Variants in DPH6 observed in about 807,000 individuals in gnomAD.
DPH6 encodes the protein diphthamine biosynthesis 6.
Under a neutral mutation model 38.2 loss-of-function variants are expected in DPH6, and 33 were observed. That is an observed-to-expected ratio of 0.86 (90% confidence interval 0.65 to 1.15). DPH6 has a LOEUF of 1.15. Among genes scored for constraint, DPH6 ranks in the 50% most tolerant of loss-of-function variants. The pLI, the probability that DPH6 is intolerant of heterozygous loss-of-function variation, is 0.00. For synonymous variants in DPH6, 108 were observed against 103.0 expected (o/e 1.05, Z -0.30); for missense variants, 325 against 320.0 (o/e 1.02, Z -0.12).
rs146910158 is a variant in DPH6 at position 35,454,765 on chromosome 15, C to T, written c.368G>A (p.Arg123His). 6.6e-4 allele frequency: 1,061 copies of T among 1,608,776 alleles called. 1 individual carries two copies. The highest frequency in any genetic ancestry group is 8.4e-4 in the Non-Finnish European group (995 of 1,177,928). ...TTCTTACACATTTTCCACTCGAATACGCTGATAGTCAGAAAGTATAGCACC... is the reference window on the plus strand; with the variant it reads ...TTCTTACACATTTTCCACTCGAATATGCTGATAGTCAGAAAGTATAGCACC... ...SVGAILSDYQ[R>H]IRVENVCKRL... The change falls in exon 4 of 9, where the codon CGT (arginine) becomes CAT (histidine). Residue 123 changes from arginine (R) to histidine (H), a missense_variant. Physicochemically the swap from Arg to His is conservative, Grantham distance 29. Coordinates refer to ENST00000256538, the MANE Select transcript of DPH6 (RefSeq NM_080650.4).
At chr15:35,471,209 C>G (rs979174077) in intron 3 of DPH6, among the ~76,000 whole-genome samples, 3 of 152,182 alleles carry the variant, frequency 2.0e-5, no homozygotes, top group African/African-American at 7.2e-5. Flanking sequence ...CCTCATTTCT[C>G]TATTTCTGCC....
intron 5 of DPH6, among the ~76,000 whole-genome samples, chr15:35,436,402 C>T (rs910913222): frequency 1.3e-5 from 2 of 151,428 alleles, no homozygotes; most frequent in African/African-American, 2.4e-5. Context: ...GGAGGCGGAG[C>T]TTGCAATGAG....
At chr15:35,237,120 G>T (rs1210939648) in intron 3 of DPH6, 4 of 575,464 alleles carry the variant, frequency 7.0e-6, no homozygotes, top group Non-Finnish European at 9.3e-6. Flanking sequence ...AATTTTACTT[G>T]ATGGTAATCT....
At chr15:35,171,481 T>C in the DPH6 span, among the ~76,000 whole-genome samples, 29 of 152,348 alleles carry the variant, frequency 1.9e-4, no homozygotes, top group South Asian at 6.0e-3. Flanking sequence ...CATAAAGTAG[T>C]TCAGTTAATT....
rs530536332 is a variant in DPH6 at position 35,239,155 on chromosome 15, C to T, written n.201-18573G>A. ...CTCCGTGAGAAAGATCCACCTACGA[C>T]CTCAGGTCCTCAGACCTACCAGCCC... On this transcript the variant is annotated intron_variant and non_coding_transcript_variant, in intron 3 of 3. Transcript: ENST00000560386. Among the ~76,000 whole-genome samples the T allele has an allele frequency of 1.0e-4, 15 of 144,020 alleles. 3 individuals are homozygous for T. Among genetic ancestry groups the T allele is most frequent in the African/African-American group, 3.8e-4 (15 of 39,900 alleles). The allele number at this position is 144,020 out of a possible 152,430, so 94.5% of individuals were successfully genotyped here. A position where few individuals can be genotyped will look rare whatever the true frequency, so the allele number is the denominator to read the frequency against.
At chr15:35,237,691 T>C (rs1041805706) in intron 3 of DPH6, 182 of 1,613,678 alleles carry the variant, frequency 1.1e-4, no homozygotes, top group Non-Finnish European at 1.4e-4. Context: ...ACCTTTTCAA[T>C]TGCGAGGTAA....
chr15:35,147,781 A>G, the DPH6 span, among the ~76,000 whole-genome samples: 13 of 152,238 alleles, frequency 8.5e-5, no homozygotes, highest in East Asian at 2.5e-3. Flanking sequence ...CTAATATAAA[A>G]CAATGGAATT....
chr15:35,535,670 A>G (rs2055158200), intron 3 of DPH6, among the ~76,000 whole-genome samples: 1 of 149,976 alleles, frequency 6.7e-6, no homozygotes, highest in Non-Finnish European at 1.5e-5. Flanking sequence ...AGATAAGAAC[A>G]GAAGTTACAT....
At chr15:35,442,175 C>T (rs952653201) in intron 5 of DPH6, among the ~76,000 whole-genome samples, 8 of 151,240 alleles carry the variant, frequency 5.3e-5, no homozygotes, top group South Asian at 4.2e-4. Flanking sequence ...TTAAAGAAAA[C>T]CTACAATGCA....
chr15:35,312,010 G>GAAAAAA (rs10573455), intron 3 of DPH6, among the ~76,000 whole-genome samples: 75 of 102,126 alleles, frequency 7.3e-4, no homozygotes, highest in African/African-American at 1.6e-3. Flanking sequence ...TTAAGAAAAT[G>GAAAAAA]AAAAAAAAAA....
intron 3 of DPH6, chr15:35,519,179 G>T (rs1478290873): frequency 6.6e-6 from 1 of 151,560 alleles, no homozygotes; most frequent in Non-Finnish European, 1.5e-5. Flanking sequence ...ACCAAAAAGA[G>T]AAAAAGGAAA....
At chr15:35,217,901 A>G (rs1002037251) in exon 4 of DPH6, 1 of 152,228 alleles carries the variant, frequency 6.6e-6, no homozygotes, top group Admixed American at 6.5e-5. Context: ...AAAATGGCAT[A>G]CACACATCCT....
intron 3 of DPH6, among the ~76,000 whole-genome samples, chr15:35,496,579 T>TATATATATATATATATATATATATAC (rs2054561288): frequency 1.0e-5 from 1 of 95,714 alleles, no homozygotes; most frequent in South Asian, 3.2e-4. Flanking sequence ...TATATATATA[T>TATATATATATATATATATATATATAC]ATATATATAT....
At chr15:35,418,259 T>C (rs984650800) in intron 5 of DPH6, among the ~76,000 whole-genome samples, 1 of 152,118 alleles carries the variant, frequency 6.6e-6, no homozygotes, top group Non-Finnish European at 1.5e-5. Flanking sequence ...TTAGTTAATG[T>C]TGACATAAAT....
At chr15:35,510,788 T>G (rs553278984) in intron 3 of DPH6, among the ~76,000 whole-genome samples, 1 of 152,232 alleles carries the variant, frequency 6.6e-6, no homozygotes, top group South Asian at 2.1e-4. Context: ...GGAAGCTATA[T>G]GTGAGACCAT....
the DPH6 span, among the ~76,000 whole-genome samples, chr15:35,200,410 T>C: frequency 6.6e-6 from 1 of 152,244 alleles, no homozygotes; most frequent in South Asian, 2.1e-4. Flanking sequence ...ATACTAGCAT[T>C]GAAACTCCTT....
chr15:35,391,115 C>G (rs970392179), intron 6 of DPH6, among the ~76,000 whole-genome samples: 1 of 152,152 alleles, frequency 6.6e-6, no homozygotes, highest in Non-Finnish European at 1.5e-5. Flanking sequence ...CACTCCAGAC[C>G]CTATTTGCCT....
chr15:35,166,314 C>CCCATT, the DPH6 span, among the ~76,000 whole-genome samples: 1 of 151,894 alleles, frequency 6.6e-6, no homozygotes, highest in African/African-American at 2.4e-5. Flanking sequence ...TTTGTCCTAA[C>CCCATT]CCATTTTTCC....
intron 3 of DPH6, among the ~76,000 whole-genome samples, chr15:35,266,597 G>A (rs2051785374): frequency 6.6e-6 from 1 of 152,116 alleles, no homozygotes; most frequent in Admixed American, 6.6e-5. Flanking sequence ...GTGCTAGTTC[G>A]ATAATGCCTG....
Sources: gnomAD v4.1 joint callset for allele counts (sites outside exome capture counted in the v4.1 genomes callset) on GRCh38, gnomAD v4.1.1 for gene constraint, MANE v1.5 for transcripts, NCBI Gene and HGNC (gene_info 2026-07-23, HGNC 2026-07-21) for gene names.